PYROXD2: variants seen among roughly 807,000 people sequenced by gnomAD.
PYROXD2 encodes pyridine nucleotide-disulfide oxidoreductase domain-containing protein 2.
Under a neutral mutation model 71.1 loss-of-function variants are expected in PYROXD2, and 69 were observed. That is an observed-to-expected ratio of 0.97 (90% confidence interval 0.80 to 1.19). The LOEUF is 1.19. Ranked by LOEUF, PYROXD2 falls within the 50% of genes most tolerant of loss-of-function variation. PYROXD2 has a pLI of 0.00. For synonymous variants in PYROXD2, 287 were observed against 302.7 expected (o/e 0.95, Z 0.54); for missense variants, 745 against 748.9 (o/e 0.99, Z 0.06).
At chr10:98,384,449 T>C (rs1265080345) in intron 15 of PYROXD2, among the ~76,000 whole-genome samples, 1 of 151,936 alleles carries the variant, frequency 6.6e-6, no homozygotes, top group East Asian at 1.9e-4. Flanking sequence ...AAAACCCATC[T>C]CCACAAAAGA....
chr10:98,394,543 AACACACAC>A (rs58461142), intron 8 of PYROXD2, among the ~76,000 whole-genome samples: 6 of 141,908 alleles, frequency 4.2e-5, no homozygotes, highest in African/African-American at 1.1e-4. Flanking sequence ...TCTCCATCCC[AACACACAC>A]ACACACACAC....
chr10:98,403,148 C>CCGG (rs1843476510), intron 4 of PYROXD2, among the ~76,000 whole-genome samples: 1 of 152,212 alleles, frequency 6.6e-6, no homozygotes, highest in Non-Finnish European at 1.5e-5. Context: ...GGCCAGGAGA[C>CCGG]GGCTGGGGTC....
Position 98,385,064 on chromosome 10 carries a change from T to C in PYROXD2, c.1558A>G (p.Ile520Val). The change falls in exon 15 of 16, where the codon ATA becomes GTA. Residue 520 changes from isoleucine (I) to valine (V), a missense_variant. Transcript: ENST00000370575. The stretch of plus-strand genomic sequence containing the variant: ...TCCAGGGACATGGCGCAGTGGAATA[T>C]GTTCTGCAGAGGCAGGGCCACAGTC... ...ERIFGLPGGN[I>V]FHCAMSLDQL... 6.2e-7 allele frequency: 1 copy of C among 1,613,774 alleles called. No homozygotes were observed. Among genetic ancestry groups the C allele is most frequent in the Non-Finnish European group, 8.5e-7 (1 of 1,179,904 alleles).
At chr10:98,394,091 C>T (rs769550659) in intron 8 of PYROXD2, among the ~76,000 whole-genome samples, 6 of 152,184 alleles carry the variant, frequency 3.9e-5, no homozygotes, top group African/African-American at 9.7e-5. Context: ...ATCACACTCA[C>T]GCCACTTCAT....
chr10:98,401,418 A>G (rs1458661974), intron 4 of PYROXD2, among the ~76,000 whole-genome samples: 3 of 152,120 alleles, frequency 2.0e-5, no homozygotes, highest in African/African-American at 7.2e-5. Context: ...GGCCCAGCAC[A>G]TTGCTGTACA....
rs139454799 is a variant in PYROXD2 at position 98,392,991 on chromosome 10, G to A, written c.878C>T (p.Ala293Val). ...VQGGMGALSD[A>V]IASSATTHGA... ...ATGTGTGGTGGCTGAGCTTGCGATC[G>A]CATCAGAGAGGGCACCCATGCCCCC... The change falls in exon 9 of 16, where the codon GCG becomes GTG. Residue 293 changes from alanine to valine, a missense_variant. Coordinates refer to ENST00000370575, the MANE Select transcript of PYROXD2 (RefSeq NM_032709.3). 2.0e-5 allele frequency: 33 copies of A among 1,613,566 alleles called. No homozygotes were observed. The highest frequency in any genetic ancestry group is 6.7e-5 in the Admixed American group (4 of 59,968).
intron 5 of PYROXD2, among the ~76,000 whole-genome samples, chr10:98,398,185 CCTT>C (rs1346463671): frequency 6.6e-6 from 1 of 152,066 alleles, no homozygotes; most frequent in African/African-American, 2.4e-5. Flanking sequence ...GCTGGCCTGT[CCTT>C]CTGTCCTTTC....
intron 4 of PYROXD2, among the ~76,000 whole-genome samples, chr10:98,405,042 T>C (rs1274764333): frequency 2.0e-5 from 3 of 152,074 alleles, no homozygotes; most frequent in Non-Finnish European, 2.9e-5. Flanking sequence ...AGGTCAAGGC[T>C]GGCCCAGGGG....
intron 2 of PYROXD2, among the ~76,000 whole-genome samples, 197 bp from the exon 3 acceptor site, chr10:98,408,194 T>C (rs17109675): frequency 0.091 from 13,824 of 152,204 alleles, 752 homozygotes; most frequent in African/African-American, 0.14. Context: ...TCGCCTTTTC[T>C]AGATGTCCTC....
In PYROXD2 at chr10:98,409,229, G is replaced by A. The variant is rs543965728; in HGVS notation, c.148-1232C>T. Among the ~76,000 whole-genome samples the A allele has an allele frequency of 5.3e-5, 8 of 151,760 alleles. No individual in the cohort carries two copies. The East Asian group carries it at 5.9e-4, about 11-fold the overall frequency. ...GTCTCTGTGCCATCCAGAAAATACC[G>A]AACACCCCTCTTGGCTGAAATGAGT... On this transcript the variant is annotated intron_variant, in intron 2 of 15. Coordinates refer to ENST00000370575, the MANE Select transcript of PYROXD2 (RefSeq NM_032709.3).
At chr10:98,408,930 G>T (rs1052942847) in intron 2 of PYROXD2, among the ~76,000 whole-genome samples, 1 of 152,174 alleles carries the variant, frequency 6.6e-6, no homozygotes, top group Non-Finnish European at 1.5e-5. Context: ...GCCCAATGAG[G>T]TTAACAGCTT....
In PYROXD2 at chr10:98,386,327, GAGGA is replaced by G. The variant is rs57195135; in HGVS notation, c.1554+870_1554+873del. On this transcript the variant is annotated intron_variant, in intron 14 of 15. Coordinates refer to ENST00000370575, the MANE Select transcript of PYROXD2 (RefSeq NM_032709.3). ...GGAGGGAGGAAACAAGGAAGGGAGG[GAGGA>G]AGGAAGGAAGGAAGGAAGGAAGGAA... Among the ~76,000 whole-genome samples, 484 of 134,910 alleles carry G rather than the reference GAGGA, an allele frequency of 3.6e-3. 5 individuals are homozygous for G. The highest frequency in any genetic ancestry group is 8.1e-3 in the South Asian group (35 of 4,322). 88.5% of individuals were successfully genotyped at this position (134,910 alleles called of 152,430 possible). A position where few individuals can be genotyped will look rare whatever the true frequency, so the allele number is the denominator to read the frequency against.
chr10:98,411,493 GTT>G (rs34431381), intron 1 of PYROXD2: 153 of 144,388 alleles, frequency 1.1e-3, no homozygotes, highest in African/African-American at 3.7e-3. Flanking sequence ...ATTCACATGG[GTT>G]TTTTTTTTTT....
intron 10 of PYROXD2, among the ~76,000 whole-genome samples, 156 bp downstream of exon 10, chr10:98,392,276 C>T (rs892824992): frequency 6.6e-6 from 1 of 152,138 alleles, no homozygotes; most frequent in East Asian, 1.9e-4. Context: ...GCTTCTTCCC[C>T]GTTTGCTACC....
intron 4 of PYROXD2, 96 bp downstream of exon 4, chr10:98,407,486 C>T: frequency 6.8e-7 from 1 of 1,478,620 alleles, no homozygotes; most frequent in Non-Finnish European, 9.2e-7. Context: ...CAGGGGCGGG[C>T]ATCACCTCGG....
intron 5 of PYROXD2, among the ~76,000 whole-genome samples, chr10:98,398,158 C>T (rs1426154250): frequency 2.0e-5 from 3 of 152,200 alleles, no homozygotes; most frequent in African/African-American, 4.8e-5. Flanking sequence ...GCTGGGATTA[C>T]AGGCGTGAGC....
chr10:98,392,514 A>T lies in PYROXD2; in HGVS notation c.980T>A (p.Leu327Gln). Residue 327 changes from leucine to glutamine, a missense_variant, in exon 10 of 16, where the codon CTG becomes CAG. By Grantham distance (113) the Leu-to-Gln change is moderately radical. Transcript: ENST00000370575. Reference sequence around the variant, plus strand: ...GCTTCTCACCTCTGTGCCATCTTCCAGCACAACTCCTTGAACACAGCCTTC... The same window carrying T: ...GCTTCTCACCTCTGTGCCATCTTCCTGCACAACTCCTTGAACACAGCCTTC... The part of the protein sequence containing the change: ...NSEGCVQGVV[L>Q]EDGTEVRSKM... 6.2e-7 allele frequency: 1 copy of T among 1,613,712 alleles called. No homozygotes were observed. Among genetic ancestry groups the T allele is most frequent in the Middle Eastern group, 1.6e-4 (1 of 6,062 alleles).
At chr10:98,404,365 C>T (rs1488990545) in intron 4 of PYROXD2, among the ~76,000 whole-genome samples, 1 of 152,170 alleles carries the variant, frequency 6.6e-6, no homozygotes, top group Non-Finnish European at 1.5e-5. Flanking sequence ...TGAGCATACT[C>T]CAGCTCGGGA....
intron 4 of PYROXD2, among the ~76,000 whole-genome samples, chr10:98,401,273 A>AAAAAAAAAC (rs149519972): frequency 0.011 from 1,376 of 121,370 alleles, 40 homozygotes; most frequent in Non-Finnish European, 0.013. Flanking sequence ...AAAACAAAAA[A>AAAAAAAAAC]AAACAAACAT....
Sources: allele counts gnomAD v4.1 joint callset (sites outside exome capture counted in the v4.1 genomes callset), GRCh38; gene constraint gnomAD v4.1.1; transcripts MANE v1.5; gene names NCBI Gene and HGNC (gene_info 2026-07-23, HGNC 2026-07-21).